CHST8: variants seen among roughly 807,000 people sequenced by gnomAD.
The protein encoded by CHST8 is GALNAC-4-ST1.
Under a neutral mutation model 15.0 loss-of-function variants are expected in CHST8, and 10 were observed. The ratio of observed to expected loss-of-function variants is 0.67; its 90% CI spans 0.41 to 1.13. The LOEUF (loss-of-function observed/expected upper bound fraction) is 1.13, where lower values mean the gene tolerates loss of function less well. Among genes scored for constraint, CHST8 ranks in the 50% most tolerant of loss-of-function variants. The probability of loss-of-function intolerance (pLI) is 0.00; values close to 1 mark genes in which losing one functional copy is unlikely to be tolerated. For synonymous variants in CHST8, 259 were observed against 256.6 expected (o/e 1.01, Z -0.09); for missense variants, 634 against 608.2 (o/e 1.04, Z -0.45).
intron 3 of CHST8, among the ~76,000 whole-genome samples, chr19:33,737,613 T>C (rs961955208): frequency 3.3e-5 from 5 of 152,208 alleles, no homozygotes; most frequent in African/African-American, 1.2e-4. Flanking sequence ...TGTGGGCATC[T>C]GTTTGCGGAA....
intron 3 of CHST8, among the ~76,000 whole-genome samples, chr19:33,699,074 G>T (rs963633885): frequency 1.3e-5 from 2 of 152,212 alleles, no homozygotes; most frequent in African/African-American, 4.8e-5. Flanking sequence ...CCAGCATGGA[G>T]ATTCATGCTT....
intron 3 of CHST8, among the ~76,000 whole-genome samples, chr19:33,717,729 C>T (rs997274806): frequency 1.2e-4 from 19 of 152,064 alleles, no homozygotes; most frequent in Non-Finnish European, 1.3e-4. Context: ...TAGGAGAAAC[C>T]GAGGTCATAT....
At chr19:33,688,297 A>T (rs1252027348) in intron 2 of CHST8, among the ~76,000 whole-genome samples, 1 of 152,128 alleles carries the variant, frequency 6.6e-6, no homozygotes, top group Non-Finnish European at 1.5e-5. Flanking sequence ...GGGATGGGGA[A>T]TTTCTCTCCC....
At chr19:33,657,126 T>TACACAC (rs530334678) in intron 1 of CHST8, among the ~76,000 whole-genome samples, 106 of 127,900 alleles carry the variant, frequency 8.3e-4, no homozygotes, top group African/African-American at 7.1e-4. Context: ...TTTGCTTTAT[T>TACACAC]ACACACACAC....
intron 1 of CHST8, among the ~76,000 whole-genome samples, chr19:33,651,998 T>C (rs1174130839): frequency 6.6e-6 from 1 of 152,210 alleles, no homozygotes; most frequent in African/African-American, 2.4e-5. Context: ...CAGAGTGAGA[T>C]GTGTTAAGAT....
intron 1 of CHST8, among the ~76,000 whole-genome samples, chr19:33,628,579 A>T (rs1972086280): frequency 6.6e-6 from 1 of 152,208 alleles, no homozygotes; most frequent in Non-Finnish European, 1.5e-5. Flanking sequence ...TAGGCAGTGC[A>T]TCTACGCTGG....
At chr19:33,640,764 C>G (rs1360716557) in intron 1 of CHST8, among the ~76,000 whole-genome samples, 3 of 152,144 alleles carry the variant, frequency 2.0e-5, no homozygotes, top group African/African-American at 7.2e-5. Context: ...GTGGTCTTGC[C>G]CAAGAAGGAA....
intron 3 of CHST8, among the ~76,000 whole-genome samples, chr19:33,746,914 A>G (rs74559326): frequency 0.021 from 3,196 of 152,030 alleles, 54 homozygotes; most frequent in Non-Finnish European, 0.027. Context: ...GCCAAGCAAT[A>G]TGAATTCTCC....
intron 3 of CHST8, among the ~76,000 whole-genome samples, chr19:33,750,382 T>C (rs1444931428): frequency 2.0e-5 from 3 of 152,188 alleles, no homozygotes; most frequent in African/African-American, 7.2e-5. Flanking sequence ...CAGTCCCCTC[T>C]GGGGCTACCC....
chr19:33,754,473 A>T (rs947713153), intron 3 of CHST8, among the ~76,000 whole-genome samples: 2 of 152,116 alleles, frequency 1.3e-5, no homozygotes, highest in Non-Finnish European at 2.9e-5. Context: ...CTTGCCGTGC[A>T]TCTTAACCCT....
At chr19:33,699,252 C>T (rs1043682595) in intron 3 of CHST8, among the ~76,000 whole-genome samples, 4 of 152,066 alleles carry the variant, frequency 2.6e-5, no homozygotes, top group East Asian at 1.9e-4. Flanking sequence ...GATGGAGACA[C>T]GGGAGGAGGA....
chr19:33,656,453 C>G (rs1212021275), intron 1 of CHST8, among the ~76,000 whole-genome samples: 1 of 152,108 alleles, frequency 6.6e-6, no homozygotes, highest in Non-Finnish European at 1.5e-5. Flanking sequence ...GCATTGTGGT[C>G]AGAGAATGTG....
intron 1 of CHST8, among the ~76,000 whole-genome samples, chr19:33,645,473 T>C (rs1972341338): frequency 6.6e-6 from 1 of 152,170 alleles, no homozygotes; most frequent in South Asian, 2.1e-4. Context: ...GATGGGTTGA[T>C]TCTAGATATA....
rs374450106 is a variant in CHST8 at position 33,759,482 on chromosome 19, C to T, written c.131-11931C>T. Among the ~76,000 whole-genome samples the T allele has an allele frequency of 2.4e-4, 37 of 152,076 alleles. 1 individual carries two copies. The South Asian group carries it at 7.7e-3, about 32-fold the overall frequency. ...CCCGGTGGGCCCAGAAAATGGCAGCCTCCAGGCCCAGGCCCACTGCCTCTA... is the reference window on the plus strand; with the variant it reads ...CCCGGTGGGCCCAGAAAATGGCAGCTTCCAGGCCCAGGCCCACTGCCTCTA... On this transcript the variant is annotated intron_variant, in intron 3 of 4. Coordinates refer to ENST00000650847, the MANE Select transcript of CHST8 (RefSeq NM_001127895.2).
intron 3 of CHST8, among the ~76,000 whole-genome samples, chr19:33,759,819 G>A (rs541386367): frequency 9.9e-5 from 15 of 152,266 alleles, no homozygotes; most frequent in Admixed American, 3.3e-4. Context: ...ATGTAGTGGC[G>A]AGTTCAGGCC....
At chr19:33,757,398 GAAAGAAAGAA>G in intron 3 of CHST8, among the ~76,000 whole-genome samples, 1 of 4,976 alleles carries the variant, frequency 2.0e-4, no homozygotes, top group East Asian at 8.9e-3. Flanking sequence ...AAGAAAGAAA[GAAAGAAAGAA>G]AGAAAGAAAG....
In CHST8 at chr19:33,706,435, G is replaced by T. The variant is rs112693030; in HGVS notation, c.130+17044G>T. Among the ~76,000 whole-genome samples, 1,463 of 152,270 alleles carry T rather than the reference G, an allele frequency of 9.6e-3. 20 individuals carry two copies. The highest frequency in any genetic ancestry group is 0.033 in the African/African-American group (1,378 of 41,556). On this transcript the variant is annotated intron_variant, in intron 3 of 4. Coordinates refer to ENST00000650847, the MANE Select transcript of CHST8 (RefSeq NM_001127895.2). ...CCTCAGTATTACTATACACCCATGG[G>T]TGGACAGATGCCTTACGGTTCATGT... is the stretch of plus-strand genomic sequence containing the variant.
At chr19:33,647,488 G>A (rs539549023) in intron 1 of CHST8, among the ~76,000 whole-genome samples, 1 of 152,348 alleles carries the variant, frequency 6.6e-6, no homozygotes, top group Admixed American at 6.5e-5. Context: ...AGAATGGGAA[G>A]AGAGACACTG....
At chr19:33,673,180 G>A (rs925663902) in intron 2 of CHST8, among the ~76,000 whole-genome samples, 2 of 152,200 alleles carry the variant, frequency 1.3e-5, no homozygotes, top group Admixed American at 6.5e-5. Flanking sequence ...GCTGGTCCCC[G>A]TGCCCGCCAA....
Sources: allele counts gnomAD v4.1 joint callset (sites outside exome capture counted in the v4.1 genomes callset), GRCh38; gene constraint gnomAD v4.1.1; transcripts MANE v1.5; gene names NCBI Gene and HGNC (gene_info 2026-07-23, HGNC 2026-07-21).